The following ELOVL6 variants were observed in gnomAD, a reference collection of about 807,000 sequenced individuals.
The protein encoded by ELOVL6 is ELOVL fatty acid elongase 6, also known as very long chain fatty acid elongase 6.
Under a neutral mutation model 31.7 loss-of-function variants are expected in ELOVL6, and 8 were observed. The observed-to-expected ratio is 0.25, with a 90% CI of 0.15 to 0.45. ELOVL6 has a LOEUF of 0.45. Among genes scored for constraint, ELOVL6 ranks in the 20% least tolerant of loss-of-function variants. The pLI is 1.00. For synonymous variants in ELOVL6, 101 were observed against 117.7 expected (o/e 0.86, Z 0.92); for missense variants, 126 against 326.4 (o/e 0.39, Z 4.73).
intron 2 of ELOVL6, among the ~76,000 whole-genome samples, chr4:110,079,722 A>G (rs1358969525): frequency 6.6e-6 from 1 of 152,204 alleles, no homozygotes; most frequent in Non-Finnish European, 1.5e-5. Flanking sequence ...AGCAGAAGGC[A>G]AGAAATAACT....
chr4:110,059,735 T>C lies in ELOVL6; in HGVS notation c.241A>G (p.Thr81Ala). The C allele has an allele frequency of 6.2e-7, 1 of 1,613,544 alleles. No individual in the cohort carries two copies. The highest frequency in any genetic ancestry group is 8.5e-7 in the Non-Finnish European group (1 of 1,179,798). ...AVFSIFGALR[T>A]GAYMVYILMT... ...AAAATGTACACCATATAAGCACCAG[T>C]TCGAAGAGCACCGAATATACTTCAT... The change falls in exon 3 of 4, where the codon ACT becomes GCT. Residue 81 changes from threonine (T) to alanine (A), a missense_variant. Physicochemically the swap from Thr to Ala is moderately conservative, Grantham distance 58. Transcript: ENST00000302274.
At chr4:110,158,648 TA>T (rs1758533864) in intron 1 of ELOVL6, among the ~76,000 whole-genome samples, 1 of 91,272 alleles carries the variant, frequency 1.1e-5, no homozygotes, top group Admixed American at 1.1e-4. Context: ...TATATATATA[TA>T]TATATATATT....
intron 2 of ELOVL6, among the ~76,000 whole-genome samples, chr4:110,084,414 C>CATAT (rs1472698963): frequency 0.025 from 561 of 22,750 alleles, 17 homozygotes; most frequent in African/African-American, 0.041. Context: ...ATATGACATA[C>CATAT]ATGATATATC....
Position 110,084,155 on chromosome 4 carries a change from A to ATC in ELOVL6, c.221+21341_221+21342insGA, listed in dbSNP as rs1560814278. Among the ~76,000 whole-genome samples the ATC allele has an allele frequency of 3.1e-4, 30 of 96,338 alleles. 1 individual carries two copies. The highest frequency in any genetic ancestry group is 2.7e-3 in the South Asian group (8 of 2,956). 63.2% of individuals were successfully genotyped at this position (96,338 alleles called of 152,430 possible). On this transcript the variant is annotated intron_variant, in intron 2 of 3. Coordinates refer to ENST00000302274, the MANE Select transcript of ELOVL6 (RefSeq NM_024090.3). The stretch of plus-strand genomic sequence containing the variant: ...TGATAATGATATATATGATATATAT[A>ATC]ACATATATGTGATATATATGATATA...
rs552891092 is a variant in ELOVL6 at position 110,198,569 on chromosome 4, G to T, written c.-234C>A. ...TCTCTCTGGGGCTCTCCTCCTCCCG[G>T]CGTCCGCATCCACCGTAGGAGGAAA... On this transcript the variant is annotated 5_prime_UTR_variant, in exon 1 of 4. Coordinates refer to ENST00000302274, the MANE Select transcript of ELOVL6 (RefSeq NM_024090.3). 241 of 473,506 alleles carry T rather than the reference G, an allele frequency of 5.1e-4. No homozygotes were observed. The highest frequency in any genetic ancestry group is 7.7e-4 in the Non-Finnish European group (206 of 268,232). 29.3% of individuals were successfully genotyped at this position (473,506 alleles called of 1,614,324 possible).
At chr4:110,123,433 CA>C (rs1315473247) in intron 1 of ELOVL6, among the ~76,000 whole-genome samples, 1 of 152,076 alleles carries the variant, frequency 6.6e-6, no homozygotes, top group African/African-American at 2.4e-5. Context: ...ATCAGTGAAC[CA>C]AACAGACAAA....
chr4:110,074,266 A>C (rs1048223929), intron 2 of ELOVL6, among the ~76,000 whole-genome samples: 1 of 152,214 alleles, frequency 6.6e-6, no homozygotes, highest in Admixed American at 6.5e-5. Flanking sequence ...ATAATAACAC[A>C]ATGTACATGC....
At chr4:110,147,780 GACACAC>G (rs58644594) in intron 1 of ELOVL6, among the ~76,000 whole-genome samples, 2,182 of 142,730 alleles carry the variant, frequency 0.015, 51 homozygotes, top group African/African-American at 0.051. Context: ...GACAGAGCAG[GACACAC>G]ACACACACAC....
chr4:110,142,275 G>T (rs529047024), intron 1 of ELOVL6, among the ~76,000 whole-genome samples: 1 of 151,788 alleles, frequency 6.6e-6, no homozygotes, highest in South Asian at 2.1e-4. Context: ...TCGATCTCCT[G>T]ACCTCATGAT....
chr4:110,098,712 C>T (rs1756661361), intron 2 of ELOVL6, among the ~76,000 whole-genome samples: 1 of 151,944 alleles, frequency 6.6e-6, no homozygotes, highest in South Asian at 2.1e-4. Flanking sequence ...GGATTATTTC[C>T]CAGCTTGCTT....
intron 1 of ELOVL6, among the ~76,000 whole-genome samples, chr4:110,191,113 C>A (rs982764156): frequency 1.1e-4 from 16 of 152,128 alleles, no homozygotes; most frequent in African/African-American, 2.2e-4. Context: ...GCCACCATAC[C>A]CGACCCATAC....
chr4:110,086,800 A>G (rs1756279088), intron 2 of ELOVL6, among the ~76,000 whole-genome samples: 2 of 152,192 alleles, frequency 1.3e-5, no homozygotes, highest in African/African-American at 4.8e-5. Context: ...ACACAACATT[A>G]GATATAGATT....
chr4:110,128,877 C>A (rs1399014748), intron 1 of ELOVL6, among the ~76,000 whole-genome samples: 1 of 152,176 alleles, frequency 6.6e-6, no homozygotes, highest in Admixed American at 6.5e-5. Context: ...GTAAAGGAAA[C>A]TTCTCAGCTC....
chr4:110,080,496 G>T (rs905747881), intron 2 of ELOVL6, among the ~76,000 whole-genome samples: 2 of 152,156 alleles, frequency 1.3e-5, no homozygotes, highest in Non-Finnish European at 2.9e-5. Context: ...AAAACCACAT[G>T]ATTATCTCAA....
chr4:110,171,968 T>G (rs1758962169), intron 1 of ELOVL6, among the ~76,000 whole-genome samples: 1 of 152,142 alleles, frequency 6.6e-6, no homozygotes, highest in Non-Finnish European at 1.5e-5. Flanking sequence ...AGATTTCAGT[T>G]GTGAGCTACT....
chr4:110,110,376 A>T (rs1341864183), intron 1 of ELOVL6, among the ~76,000 whole-genome samples: 1 of 21,804 alleles, frequency 4.6e-5, no homozygotes, highest in African/African-American at 2.1e-3. Flanking sequence ...TTTTTACGTT[A>T]AAAAAAATGG....
intron 2 of ELOVL6, among the ~76,000 whole-genome samples, chr4:110,099,839 T>C (rs779090127): frequency 6.6e-5 from 10 of 152,166 alleles, no homozygotes; most frequent in Admixed American, 3.9e-4. Flanking sequence ...AGCAACATGA[T>C]TGAATGACTC....
chr4:110,167,755 C>T (rs1758822251), intron 1 of ELOVL6, among the ~76,000 whole-genome samples: 1 of 152,064 alleles, frequency 6.6e-6, no homozygotes, highest in African/African-American at 2.4e-5. Context: ...AGGCTGGTCT[C>T]AAACTCCTGG....
At chr4:110,064,424 C>T (rs900229354) in intron 2 of ELOVL6, among the ~76,000 whole-genome samples, 3 of 151,956 alleles carry the variant, frequency 2.0e-5, no homozygotes, top group Non-Finnish European at 4.4e-5. Context: ...GGGAGGGTAA[C>T]TTCTATTTTG....
Sources: gnomAD v4.1 joint callset for allele counts (sites outside exome capture counted in the v4.1 genomes callset) on GRCh38, gnomAD v4.1.1 for gene constraint, MANE v1.5 for transcripts, NCBI Gene and HGNC (gene_info 2026-07-23, HGNC 2026-07-21) for gene names.